NAALADL2: variants seen among roughly 807,000 people sequenced by gnomAD.
NAALADL2 encodes the protein inactive N-acetylated-alpha-linked acidic dipeptidase-like protein 2.
In NAALADL2, 76 loss-of-function variants were observed where a neutral mutation model predicts 87.2. The observed-to-expected ratio is 0.87, with a 90% CI of 0.72 to 1.05. The LOEUF (loss-of-function observed/expected upper bound fraction) is 1.05. NAALADL2 is among the 50% of genes least tolerant of loss of function. The pLI is 0.00. For synonymous variants in NAALADL2, 354 were observed against 331.0 expected (o/e 1.07, Z -0.75); for missense variants, 1,089 against 945.8 (o/e 1.15, Z -1.99).
chr3:175,783,671 T>G (rs1286827848), intron 13 of NAALADL2, among the ~76,000 whole-genome samples: 2 of 151,890 alleles, frequency 1.3e-5, no homozygotes, highest in Admixed American at 6.5e-5. Context: ...GACTTCCTCT[T>G]TTCCTAATTG....
chr3:175,137,766 G>T (rs1172058364), intron 2 of NAALADL2, among the ~76,000 whole-genome samples: 1 of 151,148 alleles, frequency 6.6e-6, no homozygotes, highest in African/African-American at 2.4e-5. Flanking sequence ...ACCCAGCTAA[G>T]TTTGTTTTGT....
chr3:175,703,899 T>C (rs1739319951), intron 11 of NAALADL2, among the ~76,000 whole-genome samples: 2 of 152,314 alleles, frequency 1.3e-5, no homozygotes, highest in African/African-American at 4.8e-5. Flanking sequence ...TATTGACTAT[T>C]ATGACAGGGG....
chr3:174,879,647 C>T (rs1037145846), intron 1 of NAALADL2, among the ~76,000 whole-genome samples: 3 of 151,936 alleles, frequency 2.0e-5, no homozygotes, highest in African/African-American at 7.2e-5. Context: ...ACATTTATAA[C>T]TTCAGGTGAA....
intron 1 of NAALADL2, among the ~76,000 whole-genome samples, chr3:174,907,200 C>G (rs1180766555): frequency 6.6e-6 from 1 of 151,946 alleles, no homozygotes; most frequent in East Asian, 1.9e-4. Flanking sequence ...AATACTAGCA[C>G]TGGAATGTAT....
intron 2 of NAALADL2, among the ~76,000 whole-genome samples, chr3:175,131,796 ACG>A (rs1727948266): frequency 1.4e-5 from 2 of 138,690 alleles, no homozygotes; most frequent in African/African-American, 5.6e-5. Context: ...TCCCTCCCGG[ACG>A]GGGGGCCTGG....
chr3:174,578,422 C>A (rs1406647923), intron 2 of NAALADL2, among the ~76,000 whole-genome samples: 1 of 151,910 alleles, frequency 6.6e-6, no homozygotes, highest in Non-Finnish European at 1.5e-5. Flanking sequence ...TTATCACTGA[C>A]TTTTTATCAG....
intron 2 of NAALADL2, among the ~76,000 whole-genome samples, chr3:175,133,049 G>GTCT (rs1349925433): frequency 6.6e-6 from 1 of 151,068 alleles, no homozygotes; most frequent in Non-Finnish European, 1.5e-5. Context: ...CCCAGACGGG[G>GTCT]CGGCGGGGCA....
chr3:174,689,248 T>A (rs1467276460), intron 2 of NAALADL2, among the ~76,000 whole-genome samples: 3 of 152,124 alleles, frequency 2.0e-5, no homozygotes, highest in African/African-American at 7.2e-5. Context: ...GCTCAAAGCC[T>A]AGATATTTTT....
intron 6 of NAALADL2, among the ~76,000 whole-genome samples, chr3:175,451,841 A>T (rs1721623970): frequency 1.3e-5 from 2 of 151,992 alleles, no homozygotes; most frequent in South Asian, 4.1e-4. Flanking sequence ...TTTTTATGAA[A>T]ATTACTTTTA....
intron 1 of NAALADL2, among the ~76,000 whole-genome samples, chr3:174,545,292 A>T (rs2108477141): frequency 6.6e-6 from 1 of 152,196 alleles, no homozygotes; most frequent in African/African-American, 2.4e-5. Context: ...ATTCTCTTGC[A>T]TCAATTTTAA....
At chr3:175,037,212 A>G (rs1753525342) in intron 1 of NAALADL2, among the ~76,000 whole-genome samples, 1 of 152,152 alleles carries the variant, frequency 6.6e-6, no homozygotes, top group South Asian at 2.1e-4. Context: ...GTCCTCCAGG[A>G]CAACATTGAC....
At chr3:175,642,846 C>T (rs551077990) in intron 11 of NAALADL2, among the ~76,000 whole-genome samples, 21 of 152,114 alleles carry the variant, frequency 1.4e-4, no homozygotes, top group African/African-American at 5.1e-4. Flanking sequence ...GGAAAGCAGC[C>T]CTATTCCAAA....
At chr3:175,716,045 C>T (rs1447536152) in intron 11 of NAALADL2, among the ~76,000 whole-genome samples, 2 of 149,966 alleles carry the variant, frequency 1.3e-5, no homozygotes, top group African/African-American at 4.9e-5. Flanking sequence ...AACAAATAGG[C>T]AAGACAGCCA....
intron 1 of NAALADL2, among the ~76,000 whole-genome samples, chr3:174,449,392 T>A (rs1715306747): frequency 6.6e-6 from 1 of 152,188 alleles, no homozygotes; most frequent in South Asian, 2.1e-4. Flanking sequence ...TTAATGATAT[T>A]GTGCCACATT....
At chr3:174,475,459 T>C (rs1186446195) in intron 1 of NAALADL2, among the ~76,000 whole-genome samples, 1 of 46,964 alleles carries the variant, frequency 2.1e-5, no homozygotes, top group African/African-American at 1.3e-4. Flanking sequence ...ATTGTGTAAT[T>C]TTTTTTTTAG....
intron 5 of NAALADL2, among the ~76,000 whole-genome samples, chr3:175,344,012 T>C (rs1264424064): frequency 6.6e-6 from 1 of 152,020 alleles, no homozygotes; most frequent in Non-Finnish European, 1.5e-5. Context: ...TCCATTTCTG[T>C]CTCCTAAACC....
intron 3 of NAALADL2, among the ~76,000 whole-genome samples, chr3:174,795,022 G>A (rs1201260184): frequency 3.2e-5 from 3 of 93,694 alleles, no homozygotes; most frequent in Non-Finnish European, 5.9e-5. Flanking sequence ...ACAGAGTTTC[G>A]CTCTTGTTGC....
intron 11 of NAALADL2, among the ~76,000 whole-genome samples, chr3:175,732,965 T>C (rs1462164491): frequency 6.6e-6 from 1 of 152,126 alleles, no homozygotes; most frequent in Non-Finnish European, 1.5e-5. Flanking sequence ...CAGGGCTTAA[T>C]ACCTAGGTGA....
At chr3:175,604,175 T>C (rs542141919) in intron 10 of NAALADL2, among the ~76,000 whole-genome samples, 1 of 152,158 alleles carries the variant, frequency 6.6e-6, no homozygotes, top group East Asian at 1.9e-4. Context: ...ATGCAAAGGG[T>C]TCCAATGTCT....
Sources: allele counts gnomAD v4.1 joint callset (sites outside exome capture counted in the v4.1 genomes callset), GRCh38; gene constraint gnomAD v4.1.1; transcripts MANE v1.5; gene names NCBI Gene and HGNC (gene_info 2026-07-23, HGNC 2026-07-21).